Variants in MET observed in about 807,000 individuals in gnomAD.
MET encodes the protein hepatocyte growth factor receptor.
Under a neutral mutation model 133.1 loss-of-function variants are expected in MET, and 48 were observed. The observed-to-expected ratio is 0.36, with a 90% confidence interval of 0.29 to 0.46. The LOEUF is 0.46. MET is among the 20% of genes least tolerant of loss of function. The pLI, the probability that MET is intolerant of heterozygous loss-of-function variation, is 1.00. For missense variants in MET, 1,442 were observed against 1,695.9 expected (o/e 0.85, Z 2.63); for synonymous variants, 628 against 616.5 (o/e 1.02, Z -0.28).
intron 2 of MET, among the ~76,000 whole-genome samples, chr7:116,731,049 T>C (rs1168408802): frequency 6.6e-6 from 1 of 152,206 alleles, no homozygotes; most frequent in African/African-American, 2.4e-5. Context: ...ACTATTTTTT[T>C]AGTTCTCTCT....
chr7:116,695,870 T>C, intron 1 of MET: 1 of 410,228 alleles, frequency 2.4e-6, no homozygotes, highest in South Asian at 1.9e-5. Context: ...CTTCATCTTG[T>C]CCTCTGGTCC....
chr7:116,768,608 C>A (rs113130716), intron 11 of MET, among the ~76,000 whole-genome samples: 6 of 152,182 alleles, frequency 3.9e-5, no homozygotes, highest in African/African-American at 1.2e-4. Flanking sequence ...CCTGACCAAT[C>A]AATCTATTGA....
At chr7:116,787,949 TA>T (rs969022420) in intron 19 of MET, among the ~76,000 whole-genome samples, 17 of 148,048 alleles carry the variant, frequency 1.1e-4, no homozygotes, top group African/African-American at 3.7e-4. Flanking sequence ...GGTGAATGGA[TA>T]AAAAAAAAAT....
At chr7:116,768,131 C>A (rs974060264) in intron 11 of MET, among the ~76,000 whole-genome samples, 16 of 151,802 alleles carry the variant, frequency 1.1e-4, no homozygotes, top group African/African-American at 3.6e-4. Flanking sequence ...GATGTGTGAT[C>A]TGTTTTTGTT....
intron 10 of MET, chr7:116,759,739 A>G (rs1794325064): frequency 2.1e-6 from 1 of 481,986 alleles, no homozygotes; most frequent in South Asian, 2.0e-5. Context: ...GAAGATTACC[A>G]ATTTGAGACA....
At chr7:116,677,245 C>A (rs528029309) in intron 1 of MET, among the ~76,000 whole-genome samples, 1 of 152,262 alleles carries the variant, frequency 6.6e-6, no homozygotes, top group South Asian at 2.1e-4. Context: ...GTCTGCTATG[C>A]ACTTCTTTCT....
At chr7:116,701,059 A>G (rs980232820) in intron 2 of MET, among the ~76,000 whole-genome samples, 2 of 152,182 alleles carry the variant, frequency 1.3e-5, no homozygotes, top group African/African-American at 4.8e-5. Context: ...TTATACTTAT[A>G]TGAAATGGTA....
intron 1 of MET, among the ~76,000 whole-genome samples, chr7:116,694,727 A>G (rs997165841): frequency 6.6e-6 from 1 of 152,086 alleles, no homozygotes; most frequent in African/African-American, 2.4e-5. Context: ...TCGCTCTGTC[A>G]TCAGGCTGGA....
At chr7:116,723,756 T>C (rs1792604009) in intron 2 of MET, among the ~76,000 whole-genome samples, 2 of 152,276 alleles carry the variant, frequency 1.3e-5, no homozygotes, top group Admixed American at 1.3e-4. Flanking sequence ...GAGGTGTCAG[T>C]GTGCCCCTGC....
chr7:116,687,924 G>A (rs930614450), intron 1 of MET, among the ~76,000 whole-genome samples: 23 of 152,228 alleles, frequency 1.5e-4, no homozygotes, highest in African/African-American at 5.5e-4. Context: ...ACTGTGAAAA[G>A]AATGGGGTTC....
intron 2 of MET, among the ~76,000 whole-genome samples, chr7:116,716,156 G>A (rs1346800125): frequency 6.6e-6 from 1 of 151,958 alleles, no homozygotes; most frequent in Non-Finnish European, 1.5e-5. Context: ...GGATGCTGAG[G>A]AGGGAGGATC....
At chr7:116,747,270 A>G (rs1248160728) in intron 5 of MET, among the ~76,000 whole-genome samples, 3 of 152,222 alleles carry the variant, frequency 2.0e-5, no homozygotes, top group South Asian at 2.1e-4. Flanking sequence ...AAATTCACAC[A>G]TAACACTATT....
intron 1 of MET, among the ~76,000 whole-genome samples, chr7:116,678,138 A>C (rs919222827): frequency 1.3e-5 from 2 of 152,188 alleles, no homozygotes; most frequent in African/African-American, 2.4e-5. Context: ...ATTTTTCCAA[A>C]GGAATAAAAG....
intron 17 of MET, among the ~76,000 whole-genome samples, chr7:116,781,746 G>A (rs986099847): frequency 6.6e-6 from 1 of 151,992 alleles, no homozygotes; most frequent in African/African-American, 2.4e-5. Flanking sequence ...TTTTTTGTGG[G>A]CGGTGGATGG....
intron 3 of MET, among the ~76,000 whole-genome samples, chr7:116,735,060 G>C (rs1793160888): frequency 6.6e-6 from 1 of 152,096 alleles, no homozygotes; most frequent in African/African-American, 2.4e-5. Context: ...AGAGGGGGTG[G>C]GGAGGCCCTT....
intron 5 of MET, among the ~76,000 whole-genome samples, chr7:116,750,752 T>C (rs775241410): frequency 1.3e-5 from 2 of 152,100 alleles, no homozygotes; most frequent in African/African-American, 2.4e-5. Flanking sequence ...CATCAAAAAG[T>C]GGGCCAAGGA....
rs1584878137 is a variant in MET, at chr7:116,700,092, C to A, written c.1008C>A (p.Ser336Arg). 6.2e-7 allele frequency: 1 copy of A among 1,611,120 alleles called. No homozygotes were observed. Among genetic ancestry groups the A allele is most frequent in the East Asian group, 2.2e-5 (1 of 44,868 alleles). Residue 336 changes from serine (S) to arginine (R), a missense_variant, in exon 2 of 21, where the codon AGC becomes AGA. By Grantham distance (110) the Ser-to-Arg change is moderately radical. This residue lies in a region of MET where 762 missense variants were observed against 792.4 expected (regional missense o/e 0.96). Coordinates refer to ENST00000397752, the MANE Select transcript of MET (RefSeq NM_000245.4). ...AGCTTGCTAGACAAATAGGAGCCAG[C>A]CTGAATGATGACATTCTTTTCGGGG... ...GAQLARQIGASLNDDILFGVF... is the reference protein window; with the variant it reads ...GAQLARQIGARLNDDILFGVF...
chr7:116,721,037 A>G (rs201348724), intron 2 of MET, among the ~76,000 whole-genome samples: 2 of 151,806 alleles, frequency 1.3e-5, no homozygotes, highest in Non-Finnish European at 2.9e-5. Context: ...TTTTCTATTG[A>G]TTGGAATAGT....
chr7:116,761,358 C>T (rs1794392212), intron 10 of MET, among the ~76,000 whole-genome samples: 1 of 152,070 alleles, frequency 6.6e-6, no homozygotes, highest in African/African-American at 2.4e-5. Context: ...TTACTATTTA[C>T]TATTTATTTT....
Sources: gnomAD v4.1 joint callset for allele counts (sites outside exome capture counted in the v4.1 genomes callset) on GRCh38, gnomAD v4.1.1 for gene constraint, gnomAD v4.1.1 regional missense constraint, MANE v1.5 for transcripts, NCBI Gene and HGNC (gene_info 2026-07-23, HGNC 2026-07-21) for gene names.